The following FAM124A variants were observed in gnomAD, a reference collection of about 807,000 sequenced individuals.
FAM124A encodes protein FAM124A.
FAM124A carries 23 observed loss-of-function variants against 24.5 expected under a neutral mutation model. The observed-to-expected ratio is 0.94, with a 90% CI of 0.68 to 1.33. The LOEUF is 1.33. FAM124A is among the 40% of genes most tolerant of loss of function. The pLI, the probability that FAM124A is intolerant of heterozygous loss-of-function variation, is 0.00. For synonymous variants in FAM124A, 287 were observed against 314.7 expected (o/e 0.91, Z 0.93); for missense variants, 623 against 722.8 (o/e 0.86, Z 1.58).
chr13:51,239,885 G>A (rs999229800), intron 2 of FAM124A, among the ~76,000 whole-genome samples: 12 of 152,192 alleles, frequency 7.9e-5, no homozygotes, highest in Admixed American at 2.0e-4. Flanking sequence ...TTACTCTATG[G>A]AGTCGGTTAT....
intron 1 of FAM124A, among the ~76,000 whole-genome samples, chr13:51,230,850 T>C (rs549762257): frequency 7.2e-5 from 11 of 152,358 alleles, no homozygotes; most frequent in African/African-American, 2.4e-4. Flanking sequence ...GTGCCTTTGT[T>C]TCCTGGTGGT....
At chr13:51,244,714 A>G (rs1954536711) in intron 2 of FAM124A, among the ~76,000 whole-genome samples, 1 of 152,182 alleles carries the variant, frequency 6.6e-6, no homozygotes, top group African/African-American at 2.4e-5. Context: ...CCAAGACTGC[A>G]GAGAGTGGTT....
At chr13:51,263,392 C>T (rs1380969135) in intron 3 of FAM124A, among the ~76,000 whole-genome samples, 5 of 152,216 alleles carry the variant, frequency 3.3e-5, no homozygotes, top group Admixed American at 6.5e-5. Flanking sequence ...TCCCTGAAGA[C>T]GCTTCTTCTC....
chr13:51,281,977 T>C lies in FAM124A; in HGVS notation c.*721T>C, dbSNP rs893315916. ...CAGAAAGTAGATTTGCATACACCTT[T>C]TCAACAGCACATTTCACTGGAATGG... On this transcript the variant is annotated 3_prime_UTR_variant, in exon 4 of 4. Transcript: ENST00000322475. 6.6e-6 allele frequency: 1 copy of C among 152,218 alleles called. No individual in the cohort carries two copies. Among genetic ancestry groups the C allele is most frequent in the Non-Finnish European group, 1.5e-5 (1 of 68,040 alleles). The allele number at this position is 152,218 out of a possible 1,614,324, so 9.4% of individuals were successfully genotyped here. A position where few individuals can be genotyped will look rare whatever the true frequency, so the allele number is the denominator to read the frequency against.
rs1218173239 is a variant in FAM124A, at chr13:51,281,048, C to T, written c.1433C>T (p.Ala478Val). The change falls in exon 4 of 4, where the codon GCT (alanine) becomes GTT (valine). Residue 478 changes from alanine to valine, a missense_variant. Ala to Val is a moderately conservative substitution (Grantham distance 64). Transcript: ENST00000322475. ...AGGGTGACCACAGAGGCCTCCTGGG[C>T]TTCCCTCCCTTTCTTCACCAAAAGG... ...VSRVTTEASWASLPFFTKRSS... is the reference protein window; with the variant it reads ...VSRVTTEASWVSLPFFTKRSS... The T allele has an allele frequency of 3.1e-6, 5 of 1,614,150 alleles. No homozygotes were observed. Among genetic ancestry groups the T allele is most frequent in the Non-Finnish European group, 3.4e-6 (4 of 1,180,018 alleles).
At chr13:51,277,999 C>T (rs919087966) in intron 3 of FAM124A, among the ~76,000 whole-genome samples, 1 of 152,194 alleles carries the variant, frequency 6.6e-6, no homozygotes, top group Admixed American at 6.5e-5. Flanking sequence ...AGCCAAATTT[C>T]CCGGGCTGGT....
chr13:51,229,770 A>G (rs973914213), intron 1 of FAM124A, among the ~76,000 whole-genome samples: 3 of 152,224 alleles, frequency 2.0e-5, no homozygotes, highest in African/African-American at 7.2e-5. Context: ...CTAAGTTTAT[A>G]TATAATTACA....
At chr13:51,268,599 G>T (rs1227903378) in intron 3 of FAM124A, among the ~76,000 whole-genome samples, 2 of 152,180 alleles carry the variant, frequency 1.3e-5, no homozygotes, top group South Asian at 2.1e-4. Flanking sequence ...GCATGAACAG[G>T]TGCAACTGGG....
intron 3 of FAM124A, among the ~76,000 whole-genome samples, chr13:51,276,571 C>G (rs1954887573): frequency 6.6e-6 from 1 of 152,148 alleles, no homozygotes; most frequent in Non-Finnish European, 1.5e-5. Flanking sequence ...GAACTTTGCC[C>G]TTTCCATCCA....
In FAM124A at chr13:51,222,561, G is replaced by A. The variant is rs1954271685; in HGVS notation, c.60G>A (p.Glu20=). The change falls in exon 1 of 4, where the codon GAG becomes GAA. Residue 20 remains glutamate (E), a synonymous_variant. Transcript: ENST00000322475. ...ACGACTGCGTGGACTCGGGCGCCGA[G>A]ACCGGAGGGTGAGCCGCGCCGGGCC... ...EEDDCVDSGA[E]TGGSDYSHLS... is the part of the protein sequence containing the mutation. 5 of 1,226,340 alleles carry A rather than the reference G, an allele frequency of 4.1e-6. No individual in the cohort carries two copies. The highest frequency in any genetic ancestry group is 4.3e-5 in the Admixed American group (1 of 23,224). 76.0% of individuals were successfully genotyped at this position (1,226,340 alleles called of 1,614,324 possible). A position where few individuals can be genotyped will look rare whatever the true frequency, so the allele number is the denominator to read the frequency against.
At chr13:51,259,267 G>A (rs951076585) in intron 3 of FAM124A, among the ~76,000 whole-genome samples, 2 of 152,022 alleles carry the variant, frequency 1.3e-5, no homozygotes, top group South Asian at 2.1e-4. Context: ...CTGGATGGCC[G>A]AGGGATCCTT....
chr13:51,258,375 C>T lies in FAM124A; in HGVS notation c.834+6174C>T, dbSNP rs1954696942. 6.6e-6 allele frequency among the ~76,000 whole-genome samples: 1 copy of T among 152,142 alleles called. No homozygotes were observed. Among genetic ancestry groups the T allele is most frequent in the Non-Finnish European group, 1.5e-5 (1 of 68,032 alleles). On this transcript the variant is annotated intron_variant, in intron 3 of 3. Transcript: ENST00000322475. This position sits in a 1 kb window ranked among gnomAD's most constrained non-coding sequence, Gnocchi z 4.2. ...ACTATCTTGTATATTTATCTGTTTA[C>T]TTGTATCTGATCTGTCTCTGTTATT...
At chr13:51,256,449 A>C (rs186758249) in intron 3 of FAM124A, among the ~76,000 whole-genome samples, 25 of 152,356 alleles carry the variant, frequency 1.6e-4, no homozygotes, top group Middle Eastern at 3.4e-3. Flanking sequence ...AATTATTACC[A>C]GTTGAAATGA....
rs542646369 is a variant in FAM124A, at chr13:51,241,571, GGACT to G, written c.101-9891_101-9888del. ...ACCCCAACTGTAAAATGAGGGGGCT[GGACT>G]GACTGTCTTACCCATCCTTAATTTT... is the stretch of plus-strand genomic sequence containing the variant. On this transcript the variant is annotated intron_variant, in intron 2 of 3. Coordinates refer to ENST00000322475, the MANE Select transcript of FAM124A (RefSeq NM_001242312.2). Among the ~76,000 whole-genome samples the G allele has an allele frequency of 3.3e-3, 496 of 152,230 alleles. 2 individuals carry two copies. The highest frequency in any genetic ancestry group is 0.011 in the African/African-American group (476 of 41,528).
rs1246117510 is a variant in FAM124A at position 51,252,142 on chromosome 13, C to T, written c.775C>T (p.Pro259Ser). Residue 259 changes from proline (P) to serine (S), a missense_variant, in exon 3 of 4, where the codon CCC becomes TCC. By Grantham distance (74) the Pro-to-Ser change is moderately conservative. Transcript: ENST00000322475. ...GCCTCTCCTGCCCAACCCTTGCAGCCCCATCAGCGAGGGGCGCTGGCAGAC... is the reference window on the plus strand; with the variant it reads ...GCCTCTCCTGCCCAACCCTTGCAGCTCCATCAGCGAGGGGCGCTGGCAGAC... ...LVPLLPNPCS[P>S]ISEGRWQTED... is the part of the protein sequence containing the mutation. 1 of 1,613,906 alleles carries T rather than the reference C, an allele frequency of 6.2e-7. No homozygotes were observed. The highest frequency in any genetic ancestry group is 8.5e-7 in the Non-Finnish European group (1 of 1,180,032).
chr13:51,231,378 CAGTA>C lies in FAM124A; in HGVS notation c.100+4_100+7del. The C allele has an allele frequency of 1.5e-5, 24 of 1,613,950 alleles. No individual in the cohort carries two copies. The African/African-American group carries it at 2.3e-4, about 15-fold the overall frequency. ...ACTACAGCCACCTGTCCTCCACGAG[CAGTA>C]AGTATCTTTTAAACATCCTTCAGCA... On this transcript the variant is annotated splice_donor_variant and splice_donor_region_variant and coding_sequence_variant and intron_variant, in exon 2 of 4. Transcript: ENST00000322475. LOFTEE classifies it high-confidence loss of function.
At chr13:51,230,083 A>T (rs566978851) in intron 1 of FAM124A, among the ~76,000 whole-genome samples, 73 of 152,232 alleles carry the variant, frequency 4.8e-4, no homozygotes, top group African/African-American at 1.6e-3. Flanking sequence ...AATTATATAT[A>T]TATATATGAA....
chr13:51,252,106 G>C lies in FAM124A; in HGVS notation c.739G>C (p.Gly247Arg). Residue 247 changes from glycine to arginine, a missense_variant, in exon 3 of 4, where the codon GGC becomes CGC. By Grantham distance (125) the Gly-to-Arg change is moderately radical. Transcript: ENST00000322475. ...SVLEFRVRDIGELVPLLPNPC... is the reference protein window; with the variant it reads ...SVLEFRVRDIRELVPLLPNPC... ...GCTGGAGTTCCGAGTGAGGGACATA[G>C]GCGAGCTCGTGCCTCTCCTGCCCAA... is the stretch of plus-strand genomic sequence containing the variant. 17 of 1,614,084 alleles carry C rather than the reference G, an allele frequency of 1.1e-5. No individual in the cohort carries two copies. The highest frequency in any genetic ancestry group is 1.4e-5 in the Non-Finnish European group (17 of 1,180,042).
In FAM124A at chr13:51,282,955, T is replaced by C. The variant is rs1319501188; in HGVS notation, c.*1699T>C. On this transcript the variant is annotated 3_prime_UTR_variant, in exon 4 of 4. Transcript: ENST00000322475. ...TAGGCTTTGCCAGTCATATGGTCTCTTGCAGCTACTCAACTCTGCCACTGT... is the reference window on the plus strand; with the variant it reads ...TAGGCTTTGCCAGTCATATGGTCTCCTGCAGCTACTCAACTCTGCCACTGT... 1 of 90,706 alleles carries C rather than the reference T, an allele frequency of 1.1e-5. No homozygotes were observed. The highest frequency in any genetic ancestry group is 2.0e-5 in the Non-Finnish European group (1 of 49,450). 5.6% of individuals were successfully genotyped at this position (90,706 alleles called of 1,614,324 possible).
Sources: allele counts gnomAD v4.1 joint callset (sites outside exome capture counted in the v4.1 genomes callset), GRCh38; gene constraint gnomAD v4.1.1; non-coding constraint Gnocchi (gnomAD v3.1); transcripts MANE v1.5; gene names NCBI Gene and HGNC (gene_info 2026-07-23, HGNC 2026-07-21).